CCDC73: variants seen among roughly 807,000 people sequenced by gnomAD.
CCDC73 encodes coiled-coil domain-containing protein 73.
CCDC73 carries 95 observed loss-of-function variants against 116.5 expected under a neutral mutation model. The ratio of observed to expected loss-of-function variants is 0.82; its 90% CI spans 0.69 to 0.97. The LOEUF (loss-of-function observed/expected upper bound fraction) is 0.97, where lower values mean the gene tolerates loss of function less well. Ranked by LOEUF, CCDC73 falls within the 50% of genes least tolerant of loss-of-function variation. The pLI is 0.00. For synonymous variants in CCDC73, 398 were observed against 401.3 expected (o/e 0.99, Z 0.10); for missense variants, 1,066 against 1,206.8 (o/e 0.88, Z 1.73).
intron 17 of CCDC73, chr11:32,603,959 C>A (rs759456655): frequency 1.3e-5 from 2 of 152,182 alleles, no homozygotes; most frequent in Non-Finnish European, 2.9e-5. Context: ...CCCAGCTCCT[C>A]GGAGGGCTGA....
chr11:32,752,426 A>C (rs1444773101), intron 2 of CCDC73, among the ~76,000 whole-genome samples: 1 of 152,230 alleles, frequency 6.6e-6, no homozygotes, highest in Non-Finnish European at 1.5e-5. Context: ...TAAAAATATA[A>C]ACTGTTCAGA....
rs1216226993 is a variant in CCDC73, at chr11:32,755,879, C to CTCCATATATATGTG, written c.135+4229_135+4230insCACATATATATGGA. Among the ~76,000 whole-genome samples, 5 of 106,924 alleles carry CTCCATATATATGTG rather than the reference C, an allele frequency of 4.7e-5. 1 individual carries two copies. The highest frequency in any genetic ancestry group is 1.5e-4 in the African/African-American group (4 of 26,808). 70.1% of individuals were successfully genotyped at this position (106,924 alleles called of 152,430 possible). On this transcript the variant is annotated intron_variant, in intron 2 of 17. Coordinates refer to ENST00000335185, the MANE Select transcript of CCDC73 (RefSeq NM_001008391.4). The stretch of plus-strand genomic sequence containing the variant: ...TGTGTATATATCTCCATATATATAT[C>CTCCATATATATGTG]TGTGTATATATCTCCATATATATCT...
chr11:32,626,513 T>G (rs1340434628), intron 14 of CCDC73, among the ~76,000 whole-genome samples: 2 of 152,140 alleles, frequency 1.3e-5, no homozygotes, highest in Admixed American at 6.5e-5. Context: ...GAGCCCACAT[T>G]GCCAAGTCAA....
At chr11:32,830,363 G>A in the CCDC73 span, 11 of 836,280 alleles carry the variant, frequency 1.3e-5, 1 homozygote, top group East Asian at 3.3e-4. Context: ...CTGGGCGCGC[G>A]TCGGGTTCCG....
chr11:32,719,416 G>GC lies in CCDC73; in HGVS notation c.136-1270dup, dbSNP rs1281157778. ...CACTAATATAACAGCAAAGTCAGTA[G>GC]CCACACACAACAAAGACAACAGACC... On this transcript the variant is annotated intron_variant, in intron 2 of 17. Coordinates refer to ENST00000335185, the MANE Select transcript of CCDC73 (RefSeq NM_001008391.4). 4.6e-5 allele frequency among the ~76,000 whole-genome samples: 7 copies of GC among 152,254 alleles called. No individual in the cohort carries two copies. In the East Asian group the frequency reaches 1.4e-3, roughly 29 times the overall value.
chr11:32,651,571 G>A (rs1432069346), intron 12 of CCDC73, among the ~76,000 whole-genome samples: 1 of 152,216 alleles, frequency 6.6e-6, no homozygotes, highest in Admixed American at 6.5e-5. Context: ...AACCAGTCCT[G>A]GGAGGTAGTG....
intron 6 of CCDC73, among the ~76,000 whole-genome samples, chr11:32,693,717 C>A (rs942660980): frequency 6.6e-6 from 1 of 152,158 alleles, no homozygotes; most frequent in African/African-American, 2.4e-5. Context: ...CTATCCACCA[C>A]GAACAAGTCG....
chr11:32,722,385 G>A (rs995250161), intron 2 of CCDC73, among the ~76,000 whole-genome samples: 7 of 152,274 alleles, frequency 4.6e-5, no homozygotes, highest in African/African-American at 1.7e-4. Context: ...CCTCTCCTAA[G>A]CCAGTCATTG....
intron 2 of CCDC73, among the ~76,000 whole-genome samples, chr11:32,739,877 G>A (rs1850168296): frequency 6.6e-6 from 1 of 151,022 alleles, no homozygotes; most frequent in African/African-American, 2.5e-5. Flanking sequence ...CAGTTTTTGA[G>A]GGTTTTTAAT....
At chr11:32,761,127 T>A (rs1850388291) in intron 1 of CCDC73, among the ~76,000 whole-genome samples, 1 of 152,138 alleles carries the variant, frequency 6.6e-6, no homozygotes, top group South Asian at 2.1e-4. Flanking sequence ...TCTTCCCCCA[T>A]CCTTAACTCT....
chr11:32,741,800 C>A (rs1437084265), intron 2 of CCDC73, among the ~76,000 whole-genome samples: 4 of 151,952 alleles, frequency 2.6e-5, no homozygotes, highest in Non-Finnish European at 4.4e-5. Context: ...CTAATGTTAT[C>A]CCTCCCCTAG....
chr11:32,671,846 T>C (rs1021708089), intron 9 of CCDC73, among the ~76,000 whole-genome samples: 1 of 152,238 alleles, frequency 6.6e-6, no homozygotes, highest in African/African-American at 2.4e-5. Context: ...AGGCCACTAC[T>C]GCATGACATG....
chr11:32,827,694 A>C, the CCDC73 span, among the ~76,000 whole-genome samples: 1 of 152,052 alleles, frequency 6.6e-6, no homozygotes, highest in African/African-American at 2.4e-5. Context: ...TGTAGAAAGC[A>C]CTCCCCTGGG....
At chr11:32,709,372 C>T (rs189150337) in intron 3 of CCDC73, among the ~76,000 whole-genome samples, 3 of 152,252 alleles carry the variant, frequency 2.0e-5, no homozygotes, top group Non-Finnish European at 2.9e-5. Flanking sequence ...GATCTTGGCT[C>T]ACTGCAACCT....
At chr11:32,625,316 G>A (rs889612849) in intron 14 of CCDC73, among the ~76,000 whole-genome samples, 1 of 152,178 alleles carries the variant, frequency 6.6e-6, no homozygotes, top group African/African-American at 2.4e-5. Flanking sequence ...AGTTGATCCT[G>A]TCATTATGAT....
intron 2 of CCDC73, among the ~76,000 whole-genome samples, chr11:32,735,847 A>G (rs1023882302): frequency 1.3e-5 from 2 of 152,232 alleles, no homozygotes; most frequent in African/African-American, 2.4e-5. Context: ...GCCCTCAGAA[A>G]TAATACCACA....
At chr11:32,701,265 C>T (rs12796379) in intron 4 of CCDC73, among the ~76,000 whole-genome samples, 39,208 of 152,064 alleles carry the variant, frequency 0.26, 5,546 homozygotes, top group South Asian at 0.35. Flanking sequence ...GCCATCCACT[C>T]CTAAATCACA....
chr11:32,700,340 G>A (rs1053133091), intron 5 of CCDC73, among the ~76,000 whole-genome samples: 4 of 152,186 alleles, frequency 2.6e-5, no homozygotes, highest in African/African-American at 9.7e-5. Flanking sequence ...TTCTAGGTTT[G>A]TTGGAGCTTT....
upstream of CCDC73, among the ~76,000 whole-genome samples, chr11:32,799,593 T>C (rs982714571): frequency 2.0e-5 from 3 of 152,206 alleles, no homozygotes; most frequent in Non-Finnish European, 2.9e-5. Context: ...CTAACCATAA[T>C]TGTCAGAATG....
Sources: gnomAD v4.1 joint callset for allele counts (sites outside exome capture counted in the v4.1 genomes callset) on GRCh38, gnomAD v4.1.1 for gene constraint, MANE v1.5 for transcripts, NCBI Gene and HGNC (gene_info 2026-07-23, HGNC 2026-07-21) for gene names.